Variants in PLXDC2 observed in about 807,000 individuals in gnomAD.
PLXDC2 encodes plexin domain containing 2.
In PLXDC2, 40 loss-of-function variants were observed where a neutral mutation model predicts 68.9. The observed-to-expected ratio is 0.58, with a 90% confidence interval of 0.45 to 0.76. The LOEUF (loss-of-function observed/expected upper bound fraction) is 0.76. Among genes scored for constraint, PLXDC2 ranks in the 30% least tolerant of loss-of-function variants. The probability of loss-of-function intolerance (pLI) is 0.00; values close to 1 mark genes in which losing one functional copy is unlikely to be tolerated. For synonymous variants in PLXDC2, 243 were observed against 234.2 expected (o/e 1.04, Z -0.34); for missense variants, 644 against 661.9 (o/e 0.97, Z 0.30).
At chr10:19,891,107 T>C (rs1288717350) in intron 1 of PLXDC2, among the ~76,000 whole-genome samples, 1 of 152,148 alleles carries the variant, frequency 6.6e-6, no homozygotes, top group Non-Finnish European at 1.5e-5. Context: ...TTTATGTCTT[T>C]CTCTGTCCAG....
chr10:20,157,040 C>T (rs1834226014), intron 6 of PLXDC2, among the ~76,000 whole-genome samples: 1 of 152,186 alleles, frequency 6.6e-6, no homozygotes, highest in African/African-American at 2.4e-5. Flanking sequence ...CTGCCTCAGC[C>T]TCCAAGGTAG....
At chr10:20,100,373 G>A (rs1237369730) in intron 4 of PLXDC2, among the ~76,000 whole-genome samples, 1 of 152,164 alleles carries the variant, frequency 6.6e-6, no homozygotes, top group Non-Finnish European at 1.5e-5. Flanking sequence ...GAGAGATAAT[G>A]AAAGGAAATG....
At chr10:19,887,157 C>T (rs1837861995) in intron 1 of PLXDC2, among the ~76,000 whole-genome samples, 1 of 152,252 alleles carries the variant, frequency 6.6e-6, no homozygotes, top group East Asian at 1.9e-4. Flanking sequence ...TTGCCAATAA[C>T]ATTTTCTGTA....
At chr10:20,021,465 A>G (rs1010492232) in intron 2 of PLXDC2, among the ~76,000 whole-genome samples, 1 of 151,932 alleles carries the variant, frequency 6.6e-6, no homozygotes, top group African/African-American at 2.4e-5. Context: ...AAGTGAGAAA[A>G]TTCTGTTTTA....
intron 3 of PLXDC2, among the ~76,000 whole-genome samples, chr10:20,052,796 A>C (rs1835928059): frequency 6.6e-6 from 1 of 151,818 alleles, no homozygotes; most frequent in Non-Finnish European, 1.5e-5. Flanking sequence ...CCAGGGCCAG[A>C]GGGCTAACGA....
intron 1 of PLXDC2, among the ~76,000 whole-genome samples, chr10:19,954,900 C>T (rs1379211006): frequency 4.6e-5 from 7 of 152,100 alleles, no homozygotes; most frequent in Non-Finnish European, 8.8e-5. Flanking sequence ...CCATCCCTGT[C>T]GTATCTATCT....
intron 1 of PLXDC2, among the ~76,000 whole-genome samples, chr10:19,931,858 T>C (rs1833640429): frequency 6.6e-6 from 1 of 152,040 alleles, no homozygotes; most frequent in Non-Finnish European, 1.5e-5. Flanking sequence ...CATGGTCACA[T>C]AAAAAATATT....
chr10:20,118,808 A>T (rs538034919), intron 4 of PLXDC2, among the ~76,000 whole-genome samples: 61 of 152,274 alleles, frequency 4.0e-4, no homozygotes, highest in African/African-American at 1.5e-3. Context: ...ATTCTCACAG[A>T]GGCTATTAGT....
intron 1 of PLXDC2, among the ~76,000 whole-genome samples, chr10:19,833,184 A>G (rs1836727025): frequency 1.3e-5 from 2 of 152,216 alleles, no homozygotes; most frequent in South Asian, 4.1e-4. Flanking sequence ...TTGGTTATTG[A>G]TGAATCTATA....
chr10:20,207,696 TCCA>T (rs886175396), intron 9 of PLXDC2, among the ~76,000 whole-genome samples: 1 of 152,152 alleles, frequency 6.6e-6, no homozygotes, highest in African/African-American at 2.4e-5. Context: ...TTAAATAGAC[TCCA>T]CACATCAAAA....
chr10:19,845,794 G>C (rs1212627788), intron 1 of PLXDC2, among the ~76,000 whole-genome samples: 1 of 152,156 alleles, frequency 6.6e-6, no homozygotes, highest in Non-Finnish European at 1.5e-5. Flanking sequence ...AATTTCCTAA[G>C]AAGGGGTAGT....
chr10:20,232,382 CCACACA>C (rs201219616), intron 12 of PLXDC2, among the ~76,000 whole-genome samples: 1 of 150,118 alleles, frequency 6.7e-6, no homozygotes, highest in Admixed American at 6.7e-5. Context: ...GAAAACATGT[CCACACA>C]CACACACACA....
chr10:20,176,799 T>C (rs896572590), intron 7 of PLXDC2, among the ~76,000 whole-genome samples, 200 bp from the exon 8 acceptor site: 1 of 152,122 alleles, frequency 6.6e-6, no homozygotes, highest in African/African-American at 2.4e-5. Flanking sequence ...ATCAACACTT[T>C]CAACTTCGCT....
chr10:20,011,015 A>C (rs1422288300), intron 2 of PLXDC2, among the ~76,000 whole-genome samples: 1 of 152,222 alleles, frequency 6.6e-6, no homozygotes, highest in African/African-American at 2.4e-5. Flanking sequence ...TTCCAAGAGG[A>C]CATATCAAAC....
intron 13 of PLXDC2, among the ~76,000 whole-genome samples, chr10:20,257,997 C>CTTTT (rs550997528): frequency 2.6e-3 from 216 of 84,290 alleles, no homozygotes; most frequent in East Asian, 6.7e-3. Flanking sequence ...TTTTTTCTTT[C>CTTTT]TTTTTTTTTT....
intron 9 of PLXDC2, among the ~76,000 whole-genome samples, chr10:20,181,523 G>C (rs1834604931): frequency 6.6e-6 from 1 of 152,026 alleles, no homozygotes; most frequent in Admixed American, 6.6e-5. Context: ...AGGCTTTTTG[G>C]AGGGGGTAAT....
intron 2 of PLXDC2, among the ~76,000 whole-genome samples, chr10:20,043,959 T>G (rs1835730461): frequency 6.6e-6 from 1 of 152,160 alleles, no homozygotes; most frequent in African/African-American, 2.4e-5. Context: ...GTTTTTTCAG[T>G]TATGATTCTT....
intron 2 of PLXDC2, among the ~76,000 whole-genome samples, chr10:20,044,527 C>G (rs534681537): frequency 1.3e-5 from 2 of 151,954 alleles, no homozygotes; most frequent in Admixed American, 6.6e-5. Context: ...CTAGGCTGTT[C>G]TGGAACTCCT....
At chr10:20,057,699 G>A (rs1836022998) in intron 3 of PLXDC2, among the ~76,000 whole-genome samples, 1 of 151,972 alleles carries the variant, frequency 6.6e-6, no homozygotes, top group African/African-American at 2.4e-5. Flanking sequence ...CTACCCTGCA[G>A]CATCTGTCTG....
Sources: allele counts gnomAD v4.1 joint callset (sites outside exome capture counted in the v4.1 genomes callset), GRCh38; gene constraint gnomAD v4.1.1; transcripts MANE v1.5; gene names NCBI Gene and HGNC (gene_info 2026-07-23, HGNC 2026-07-21).